The following ZFY variants were observed in gnomAD, a reference collection of about 807,000 sequenced individuals.
The protein encoded by ZFY is zinc finger Y-chromosomal protein.
For synonymous variants in ZFY, 47 were observed against 55.8 expected, an observed-to-expected ratio of 0.84 and a Z score of 0.71; for missense variants, 113 against 170.9, an observed-to-expected ratio of 0.66 and a Z score of 1.89.
chrY:2,974,175 A>ATT (rs2051358600), intron 3 of ZFY, among the ~76,000 whole-genome samples: 3 of 29,259 alleles, frequency 1.0e-4, no homozygotes, highest in Non-Finnish European at 8.1e-5. Flanking sequence ...CTATTTATTT[A>ATT]TTTATTTATT....
Position 2,961,654 on chromosome Y carries a change from A to T in ZFY, c.634+8A>T. The T allele has an allele frequency of 2.6e-6, 1 of 390,350 alleles. No individual in the cohort carries two copies. Among genetic ancestry groups the T allele is most frequent in the Non-Finnish European group, 3.6e-6 (1 of 277,743 alleles). On this transcript the variant is annotated splice_region_variant and intron_variant, in intron 3 of 7. Transcript: ENST00000155093. ...ACTACCTAATGATTTCGTGTAAGTC[A>T]TGGGGTACAGTGATTTTAAGCAATG...
chrY:2,967,689 C>T, intron 3 of ZFY, among the ~76,000 whole-genome samples: 12 of 29,379 alleles, frequency 4.1e-4, no homozygotes, highest in Admixed American at 3.8e-3. Context: ...CTCAGCCTCG[C>T]GAGTAGCTGG....
chrY:2,943,579 T>G, intron 1 of ZFY, among the ~76,000 whole-genome samples: 3 of 34,241 alleles, frequency 8.8e-5, no homozygotes, highest in African/African-American at 3.4e-4. Context: ...CATGAGCCAC[T>G]GTGCCTGGCT....
chrY:2,978,926 C>G lies in ZFY; in HGVS notation c.1339C>G (p.Leu447Val). Reference protein sequence around the residue: ...KRHMKNHPEHLAKKKYHCTDC... With the variant: ...KRHMKNHPEHVAKKKYHCTDC... Reference sequence around the variant, plus strand: ...ACACATGAAAAACCATCCTGAACACCTTGCCAAGAAGAAGTACCACTGTAC... The same window carrying G: ...ACACATGAAAAACCATCCTGAACACGTTGCCAAGAAGAAGTACCACTGTAC... The change falls in exon 8 of 8, where the codon CTT becomes GTT. Residue 447 changes from leucine to valine, a missense_variant. Leu to Val is a conservative substitution (Grantham distance 32). Coordinates refer to ENST00000155093, the MANE Select transcript of ZFY (RefSeq NM_003411.4). The G allele has an allele frequency of 7.6e-6, 3 of 395,992 alleles. No homozygotes were observed. The highest frequency in any genetic ancestry group is 1.1e-5 in the Non-Finnish European group (3 of 283,153).
intron 1 of ZFY, among the ~76,000 whole-genome samples, chrY:2,936,104 G>A: frequency 5.9e-5 from 2 of 34,110 alleles, no homozygotes; most frequent in Non-Finnish European, 1.5e-4. Flanking sequence ...CTGCGGCAGC[G>A]CCACCTTTCG....
At chrY:2,974,028 T>C in intron 3 of ZFY, among the ~76,000 whole-genome samples, 1 of 30,354 alleles carries the variant, frequency 3.3e-5, no homozygotes, top group Non-Finnish European at 7.9e-5. Flanking sequence ...GATACTTAAG[T>C]ATACATCTTA....
chrY:2,964,555 T>C lies in ZFY; in HGVS notation c.634+2909T>C, dbSNP rs769271839. On this transcript the variant is annotated intron_variant, in intron 3 of 7. Coordinates refer to ENST00000155093, the MANE Select transcript of ZFY (RefSeq NM_003411.4). ...AAAAACTTCTCTTTTATAAAAATAA[T>C]GAGAACAATGGTTAAAAAATTATCA... is the stretch of plus-strand genomic sequence containing the variant. Among the ~76,000 whole-genome samples, 5 of 33,021 alleles carry C rather than the reference T, an allele frequency of 1.5e-4. No homozygotes were observed. The South Asian group carries it at 2.2e-3, about 15-fold the overall frequency. 88.6% of individuals were successfully genotyped at this position (33,021 alleles called of 37,273 possible). A position where few individuals can be genotyped will look rare whatever the true frequency, so the allele number is the denominator to read the frequency against.
At chrY:2,974,169 TTA>T (rs2051358174) in intron 3 of ZFY, among the ~76,000 whole-genome samples, 13 of 27,466 alleles carry the variant, frequency 4.7e-4, no homozygotes, top group African/African-American at 1.5e-3. Context: ...TTACAACTAT[TTA>T]TTTATTTATT....
At position 2,953,911 on chromosome Y, in the gene ZFY, G is replaced by A; in HGVS notation, c.-26G>A. ...GTATACTTTATTCCCTGGTTTAGGA[G>A]CTGTGACTAATGAGAATTAAAGGCC... On this transcript the variant is annotated splice_region_variant and 5_prime_UTR_variant, in exon 2 of 8. Coordinates refer to ENST00000155093, the MANE Select transcript of ZFY (RefSeq NM_003411.4). The A allele has an allele frequency of 2.7e-6, 1 of 373,926 alleles. No individual in the cohort carries two copies. The highest frequency in any genetic ancestry group is 3.8e-6 in the Non-Finnish European group (1 of 266,555). The allele number at this position is 373,926 out of a possible 400,897, so 93.3% of individuals were successfully genotyped here. A position where few individuals can be genotyped will look rare whatever the true frequency, so the allele number is the denominator to read the frequency against.
chrY:2,973,416 A>G (rs897275024), intron 3 of ZFY, among the ~76,000 whole-genome samples: 2 of 33,131 alleles, frequency 6.0e-5, no homozygotes, highest in Non-Finnish European at 1.5e-4. Context: ...GTTGTGAATC[A>G]TTGTTTAATT....
At chrY:2,958,029 G>A (rs2051298512) in intron 2 of ZFY, among the ~76,000 whole-genome samples, 1 of 33,397 alleles carries the variant, frequency 3.0e-5, no homozygotes, top group East Asian at 7.8e-4. Flanking sequence ...TGCTTTCCAT[G>A]TGGCCACTGT....
At chrY:2,972,697 A>G (rs772969333) in intron 3 of ZFY, among the ~76,000 whole-genome samples, 1 of 33,838 alleles carries the variant, frequency 3.0e-5, no homozygotes, top group East Asian at 7.5e-4. Context: ...CTTTTGTTAT[A>G]CTGTTCTTTA....
intron 4 of ZFY, 47 bp from the exon 5 acceptor site, chrY:2,975,464 A>G: frequency 2.6e-6 from 1 of 390,994 alleles, no homozygotes; most frequent in Non-Finnish European, 3.6e-6. Flanking sequence ...AAAATATGTG[A>G]AAATGAACTC....
chrY:2,976,845 G>A (rs1379731883), intron 6 of ZFY, 23 bp downstream of exon 6: 1 of 385,766 alleles, frequency 2.6e-6, no homozygotes, highest in South Asian at 3.1e-5. Flanking sequence ...GAAGCCAGAA[G>A]GATTGAGTAG....
At chrY:2,942,268 C>CT (rs2051244611) in intron 1 of ZFY, among the ~76,000 whole-genome samples, 1 of 27,760 alleles carries the variant, frequency 3.6e-5, no homozygotes, top group Non-Finnish European at 8.6e-5. Context: ...TTTTTCTTTC[C>CT]TTTTTTTTGG....
chrY:2,969,107 A>G, intron 3 of ZFY, among the ~76,000 whole-genome samples: 3 of 33,975 alleles, frequency 8.8e-5, no homozygotes, highest in Non-Finnish European at 1.5e-4. Flanking sequence ...GGCAAGTCAG[A>G]TGAGGACTCA....
At chrY:2,942,548 G>A in intron 1 of ZFY, among the ~76,000 whole-genome samples, 2 of 27,058 alleles carry the variant, frequency 7.4e-5, no homozygotes, top group Admixed American at 7.2e-4. Flanking sequence ...GGCTGCAGGT[G>A]CACACCACCA....
rs757868744 is a variant in ZFY at position 2,956,122 on chromosome Y, G to A, written c.61+2125G>A. Among the ~76,000 whole-genome samples the A allele has an allele frequency of 1.3e-4, 4 of 30,442 alleles. No homozygotes were observed. The East Asian group carries it at 2.5e-3, about 19-fold the overall frequency. 81.7% of individuals were successfully genotyped at this position (30,442 alleles called of 37,273 possible). A position where few individuals can be genotyped will look rare whatever the true frequency, so the allele number is the denominator to read the frequency against. ...CTTTTACTTTTCTTGTTTAATGATCGGGTGCCTGAAGGAATCTTTTGTTTT... is the reference window on the plus strand; with the variant it reads ...CTTTTACTTTTCTTGTTTAATGATCAGGTGCCTGAAGGAATCTTTTGTTTT... On this transcript the variant is annotated intron_variant, in intron 2 of 7. Coordinates refer to ENST00000155093, the MANE Select transcript of ZFY (RefSeq NM_003411.4).
chrY:2,959,214 C>A (rs2051301341), intron 2 of ZFY, among the ~76,000 whole-genome samples: 1 of 33,730 alleles, frequency 3.0e-5, no homozygotes, highest in Admixed American at 2.7e-4. Context: ...TGATTGTTAA[C>A]ACTTGAAATG....
Sources: gnomAD v4.1 joint callset for allele counts (sites outside exome capture counted in the v4.1 genomes callset) on GRCh38, gnomAD v4.1.1 for gene constraint, MANE v1.5 for transcripts, NCBI Gene and HGNC (gene_info 2026-07-23, HGNC 2026-07-21) for gene names.